Variants in PCDHA7 observed in about 807,000 individuals in gnomAD.
The protein encoded by PCDHA7 is protocadherin alpha 7, also known as protocadherin alpha-7.
A neutral mutation model predicts 57.2 loss-of-function variants in PCDHA7; 37 were observed. The ratio of observed to expected loss-of-function variants is 0.65; its 90% CI spans 0.50 to 0.85. The LOEUF is 0.85. PCDHA7 is among the 40% of genes least tolerant of loss of function. The pLI is 0.00. For synonymous variants in PCDHA7, 553 were observed against 558.8 expected, an observed-to-expected ratio of 0.99 and a Z score of 0.15; for missense variants, 1,188 against 1,241.8, an observed-to-expected ratio of 0.96 and a Z score of 0.65.
At chr5:140,997,420 G>A (rs1300822693) in intron 3 of PCDHA7, among the ~76,000 whole-genome samples, 4 of 152,042 alleles carry the variant, frequency 2.6e-5, no homozygotes, top group African/African-American at 9.7e-5. Flanking sequence ...TTTCTCCTAG[G>A]CTACAAACCT....
chr5:140,891,009 A>G (rs2062900955), intron 1 of PCDHA7, among the ~76,000 whole-genome samples: 1 of 151,934 alleles, frequency 6.6e-6, no homozygotes, highest in South Asian at 2.1e-4. Flanking sequence ...ATTGAAAAGC[A>G]TTTTTTCTGA....
intron 1 of PCDHA7, among the ~76,000 whole-genome samples, chr5:140,964,595 T>G (rs1233382494): frequency 6.6e-6 from 1 of 152,116 alleles, no homozygotes; most frequent in East Asian, 1.9e-4. Context: ...TCACTTTTCA[T>G]GACAACTTAC....
At chr5:140,981,692 T>C (rs1168412872) in intron 2 of PCDHA7, among the ~76,000 whole-genome samples, 1 of 150,826 alleles carries the variant, frequency 6.6e-6, no homozygotes, top group Non-Finnish European at 1.5e-5. Flanking sequence ...CTTCCATCAT[T>C]CATTCATTCA....
At chr5:140,863,248 G>A (rs782700291) in intron 1 of PCDHA7, 2 of 1,396,062 alleles carry the variant, frequency 1.4e-6, no homozygotes, top group Non-Finnish European at 9.8e-7. Flanking sequence ...TTTGGCGGGC[G>A]TCGAGGTCCG....
chr5:140,919,847 G>A (rs1309572866), intron 1 of PCDHA7, among the ~76,000 whole-genome samples: 1 of 152,200 alleles, frequency 6.6e-6, no homozygotes, highest in East Asian at 1.9e-4. Flanking sequence ...TTTGGAACCT[G>A]TGACCTCATT....
intron 1 of PCDHA7, among the ~76,000 whole-genome samples, chr5:140,969,883 A>G (rs1161815776): frequency 6.6e-6 from 1 of 152,204 alleles, no homozygotes; most frequent in African/African-American, 2.4e-5. Flanking sequence ...ATGTGATAGG[A>G]TCCTCTGGAA....
chr5:140,923,033 A>T (rs6895136), intron 1 of PCDHA7, among the ~76,000 whole-genome samples: 8,640 of 152,308 alleles, frequency 0.057, 727 homozygotes, highest in African/African-American at 0.19. Flanking sequence ...CTCTATTACT[A>T]CATGTATAGT....
intron 1 of PCDHA7, among the ~76,000 whole-genome samples, chr5:140,900,299 GAC>G (rs1372785177): frequency 6.6e-6 from 1 of 151,604 alleles, no homozygotes; most frequent in Non-Finnish European, 1.5e-5. Flanking sequence ...TGTTTTTTTA[GAC>G]AGTCTCACTT....
chr5:140,928,256 C>G (rs1192362928), intron 1 of PCDHA7: 19 of 1,614,116 alleles, frequency 1.2e-5, no homozygotes, highest in Non-Finnish European at 1.5e-5. Flanking sequence ...CTTTTCGTTG[C>G]TGAAAACAAT....
chr5:140,881,595 TTAATA>T (rs2058765091), intron 1 of PCDHA7, among the ~76,000 whole-genome samples: 1 of 152,250 alleles, frequency 6.6e-6, no homozygotes, highest in Non-Finnish European at 1.5e-5. Flanking sequence ...GGGAAATTTA[TTAATA>T]TGATGTGCTT....
At chr5:140,847,029 A>T (rs1780820329) in intron 1 of PCDHA7, among the ~76,000 whole-genome samples, 1 of 149,824 alleles carries the variant, frequency 6.7e-6, no homozygotes, top group African/African-American at 2.4e-5. Context: ...TTGGAAAGAG[A>T]AAACATAAGG....
At position 140,946,631 on chromosome 5, in the gene PCDHA7, T is replaced by TATATATATATACAC. The variant is rs57893927; in HGVS notation, c.2356-32317_2356-32316insTATATATATACACA. Among the ~76,000 whole-genome samples, 93 of 131,838 alleles carry TATATATATATACAC rather than the reference T, an allele frequency of 7.1e-4. 3 individuals carry two copies. Among genetic ancestry groups the TATATATATATACAC allele is most frequent in the East Asian group, 2.3e-3 (11 of 4,866 alleles). 86.5% of individuals were successfully genotyped at this position (131,838 alleles called of 152,430 possible). A position where few individuals can be genotyped will look rare whatever the true frequency, so the allele number is the denominator to read the frequency against. ...TGTGAAATATATATATATATATATA[T>TATATATATATACAC]ACAATGGAATACTCATCAGCCATTA... On this transcript the variant is annotated intron_variant, in intron 1 of 3. Transcript: ENST00000525929.
intron 1 of PCDHA7, among the ~76,000 whole-genome samples, chr5:140,937,096 G>A (rs1173485186): frequency 6.8e-6 from 1 of 146,810 alleles, no homozygotes; most frequent in Non-Finnish European, 1.5e-5. Context: ...GGAGTGCAGT[G>A]GCGCAGTCTC....
intron 1 of PCDHA7, among the ~76,000 whole-genome samples, chr5:140,889,697 A>G (rs920897018): frequency 4.6e-5 from 7 of 152,294 alleles, no homozygotes; most frequent in Middle Eastern, 3.4e-3. Flanking sequence ...TATTATGGGC[A>G]TATTCCACAA....
intron 1 of PCDHA7, among the ~76,000 whole-genome samples, chr5:140,921,809 C>CA (rs1184598188): frequency 6.6e-6 from 1 of 151,940 alleles, no homozygotes; most frequent in Non-Finnish European, 1.5e-5. Context: ...AGATAAGATA[C>CA]ATGTGTGAAT....
Position 140,850,778 on chromosome 5 carries a change from C to T in PCDHA7, c.2355+14040C>T, listed in dbSNP as rs2150497829. On this transcript the variant is annotated intron_variant, in intron 1 of 3. Coordinates refer to ENST00000525929, the MANE Select transcript of PCDHA7 (RefSeq NM_018910.3). ...AGAGGAGGCAGAGGGTGTGCTCTGGCGAGGGTAAGCAGAAGACCGACCTCA... is the reference window on the plus strand; with the variant it reads ...AGAGGAGGCAGAGGGTGTGCTCTGGTGAGGGTAAGCAGAAGACCGACCTCA... 6 of 1,597,938 alleles carry T rather than the reference C, an allele frequency of 3.8e-6. No individual in the cohort carries two copies. The East Asian group carries it at 1.1e-4, about 30-fold the overall frequency.
At chr5:140,857,856 A>G in intron 1 of PCDHA7, 1 of 1,597,730 alleles carries the variant, frequency 6.3e-7, no homozygotes, top group Non-Finnish European at 8.6e-7. Context: ...TCTGGATACA[A>G]CGCGTGGCTG....
At chr5:140,994,753 G>T (rs143791883) in intron 3 of PCDHA7, among the ~76,000 whole-genome samples, 6 of 152,252 alleles carry the variant, frequency 3.9e-5, no homozygotes, top group Non-Finnish European at 7.3e-5. Context: ...AGTAGGATGT[G>T]GAGAGGAAGA....
intron 1 of PCDHA7, among the ~76,000 whole-genome samples, chr5:140,922,302 A>G (rs2080767601): frequency 6.6e-6 from 1 of 152,222 alleles, no homozygotes; most frequent in African/African-American, 2.4e-5. Flanking sequence ...AGGAGAGGAT[A>G]CCTTTCACTG....
Sources: gnomAD v4.1 joint callset for allele counts (sites outside exome capture counted in the v4.1 genomes callset) on GRCh38, gnomAD v4.1.1 for gene constraint, MANE v1.5 for transcripts, NCBI Gene and HGNC (gene_info 2026-07-23, HGNC 2026-07-21) for gene names.